TMOD2: variants seen among roughly 807,000 people sequenced by gnomAD.
The protein encoded by TMOD2 is tropomodulin-2.
Under a neutral mutation model 39.9 loss-of-function variants are expected in TMOD2, and 22 were observed. The ratio of observed to expected loss-of-function variants is 0.55; its 90% CI spans 0.39 to 0.79. TMOD2 has a LOEUF of 0.79. Among genes scored for constraint, TMOD2 ranks in the 30% least tolerant of loss-of-function variants. The pLI is 0.00. For missense variants in TMOD2, 386 were observed against 413.3 expected (o/e 0.93, Z 0.57); for synonymous variants, 123 against 146.1 (o/e 0.84, Z 1.14).
intron 5 of TMOD2, 124 bp from the exon 6 acceptor site, chr15:51,780,917 CCTA>C: frequency 1.4e-6 from 1 of 719,276 alleles, no homozygotes; most frequent in South Asian, 1.9e-5. Context: ...TGAGAATACA[CCTA>C]CTGTCATTGC....
At chr15:51,769,752 C>T (rs543227998) in intron 3 of TMOD2, among the ~76,000 whole-genome samples, 2 of 152,184 alleles carry the variant, frequency 1.3e-5, no homozygotes, top group East Asian at 3.9e-4. Context: ...CAGATCATGT[C>T]GGCTGGGCGC....
At chr15:51,756,761 C>G (rs1255765847) in intron 1 of TMOD2, among the ~76,000 whole-genome samples, 1 of 152,150 alleles carries the variant, frequency 6.6e-6, no homozygotes, top group Non-Finnish European at 1.5e-5. Flanking sequence ...TTCCCATTGC[C>G]GTACCATATT....
intron 7 of TMOD2, among the ~76,000 whole-genome samples, chr15:51,793,678 A>G (rs188277113): frequency 3.1e-4 from 47 of 152,360 alleles, no homozygotes; most frequent in Admixed American, 1.6e-3. Context: ...CCTACAGCCC[A>G]GTATTGTGTT....
chr15:51,781,893 G>A (rs2055933482), intron 6 of TMOD2, among the ~76,000 whole-genome samples: 2 of 151,888 alleles, frequency 1.3e-5, no homozygotes, highest in Admixed American at 6.6e-5. Flanking sequence ...CCAATTCTTA[G>A]CATTTAATAA....
chr15:51,797,021 C>A (rs962947723), intron 7 of TMOD2, among the ~76,000 whole-genome samples: 4 of 152,218 alleles, frequency 2.6e-5, no homozygotes, highest in Admixed American at 6.5e-5. Flanking sequence ...CGACATAGAC[C>A]ATAAGATTTC....
At chr15:51,771,190 C>T (rs1473611953) in intron 3 of TMOD2, among the ~76,000 whole-genome samples, 2 of 152,178 alleles carry the variant, frequency 1.3e-5, no homozygotes, top group Non-Finnish European at 2.9e-5. Flanking sequence ...AGTAGCACAA[C>T]TGAATAAAGT....
rs1325102667 is a variant in TMOD2, at chr15:51,782,902, G to T, written c.732+74G>T. The T allele has an allele frequency of 2.1e-6, 3 of 1,422,078 alleles. No homozygotes were observed. In the African/African-American group the frequency reaches 4.3e-5, roughly 20 times the overall value. 88.1% of individuals were successfully genotyped at this position (1,422,078 alleles called of 1,614,324 possible). A position where few individuals can be genotyped will look rare whatever the true frequency, so the allele number is the denominator to read the frequency against. On this transcript the variant is annotated intron_variant, in intron 7 of 9. Coordinates refer to ENST00000249700, the MANE Select transcript of TMOD2 (RefSeq NM_014548.4). ...AAACTCTATTTACTTTGTTTCATTA[G>T]CTAACAATTTTTTAGATCTGGAAAA... is the stretch of plus-strand genomic sequence containing the variant.
In TMOD2 at chr15:51,778,314, C is replaced by T. The variant is rs1410578849; in HGVS notation, c.493+1296C>T. On this transcript the variant is annotated intron_variant, in intron 5 of 9. Transcript: ENST00000249700. ...GAACACATGGACACAGGAAGGGGAA[C>T]ATCACACTCTGGGGACTGTTGTGGG... Among the ~76,000 whole-genome samples the T allele has an allele frequency of 9.3e-5, 11 of 118,140 alleles. No individual in the cohort carries two copies. In the Admixed American group the frequency reaches 1.1e-3, roughly 11 times the overall value. 77.5% of individuals were successfully genotyped at this position (118,140 alleles called of 152,430 possible).
chr15:51,758,266 T>A (rs2055756269), intron 1 of TMOD2, among the ~76,000 whole-genome samples: 1 of 152,204 alleles, frequency 6.6e-6, no homozygotes, highest in Admixed American at 6.5e-5. Context: ...TTTTAATTAA[T>A]TAATGTATTT....
chr15:51,780,496 G>A (rs1178222203), intron 5 of TMOD2, among the ~76,000 whole-genome samples: 1 of 152,020 alleles, frequency 6.6e-6, no homozygotes, highest in African/African-American at 2.4e-5. Context: ...GTGTATATTG[G>A]GATATTAATC....
chr15:51,762,986 A>G (rs2055791598), intron 1 of TMOD2, among the ~76,000 whole-genome samples: 1 of 151,688 alleles, frequency 6.6e-6, no homozygotes, highest in Admixed American at 6.6e-5. Flanking sequence ...CCCAGGCTGG[A>G]GTGCAGTGGT....
rs575077473 is a variant in TMOD2 at position 51,814,172 on chromosome 15, G to A, written c.*5718G>A. The A allele has an allele frequency of 6.6e-6, 1 of 152,272 alleles. No individual in the cohort carries two copies. Among genetic ancestry groups the A allele is most frequent in the Non-Finnish European group, 1.5e-5 (1 of 68,140 alleles). 9.4% of individuals were successfully genotyped at this position (152,272 alleles called of 1,614,324 possible). ...CAGTTGACTAAGAATTGAGGGGAGG[G>A]TCTGGAGCGCTACTGCCCTCCTGTC... On this transcript the variant is annotated 3_prime_UTR_variant, in exon 10 of 10. Transcript: ENST00000249700.
chr15:51,805,397 T>G (rs2056115907), intron 8 of TMOD2, among the ~76,000 whole-genome samples: 1 of 152,198 alleles, frequency 6.6e-6, no homozygotes, highest in Admixed American at 6.5e-5. Flanking sequence ...CCTTCAGAGT[T>G]TGCTGATTTC....
At chr15:51,769,016 G>A (rs1466562190) in intron 3 of TMOD2, among the ~76,000 whole-genome samples, 2 of 152,240 alleles carry the variant, frequency 1.3e-5, no homozygotes, top group African/African-American at 2.4e-5. Flanking sequence ...TGATAATGAT[G>A]TGTCCATGAT....
chr15:51,777,014 C>T lies in TMOD2; in HGVS notation c.489C>T (p.Val163=). The T allele has an allele frequency of 6.2e-7, 1 of 1,613,512 alleles. No homozygotes were observed. ...TANNKGGKGP[V]RNVVKGEKVK... ...ACAATAAAGGTGGCAAAGGACCTGTCAGAAGTAAGTTGATGTGCAATCTGT... is the reference window on the plus strand; with the variant it reads ...ACAATAAAGGTGGCAAAGGACCTGTTAGAAGTAAGTTGATGTGCAATCTGT... Residue 163 remains valine, a synonymous_variant, in exon 5 of 10, where the codon GTC becomes GTT. Transcript: ENST00000249700.
At position 51,768,296 on chromosome 15, in the gene TMOD2, A is replaced by G. The variant is rs540853770; in HGVS notation, c.161A>G (p.Asp54Gly). The change falls in exon 3 of 10, where the codon GAC (aspartate) becomes GGC (glycine). Residue 54 changes from aspartate (D) to glycine (G), a missense_variant. By Grantham distance (94) the Asp-to-Gly change is moderately conservative. Coordinates refer to ENST00000249700, the MANE Select transcript of TMOD2 (RefSeq NM_014548.4). ...CTGCCAGCTGGATTTCGACAGAAAG[A>G]CCAGACACAGAAGGCAGCCACCGGC... ...AMLPAGFRQK[D>G]QTQKAATGPF... is the part of the protein sequence containing the mutation. The G allele has an allele frequency of 1.2e-6, 2 of 1,614,134 alleles. No individual in the cohort carries two copies. Among genetic ancestry groups the G allele is most frequent in the East Asian group, 4.5e-5 (2 of 44,876 alleles).
chr15:51,777,603 A>G (rs2055898227), intron 5 of TMOD2, among the ~76,000 whole-genome samples: 1 of 152,172 alleles, frequency 6.6e-6, no homozygotes, highest in Non-Finnish European at 1.5e-5. Flanking sequence ...TTATTCATTC[A>G]TTCATCAGTC....
chr15:51,788,287 A>G (rs2055984902), intron 7 of TMOD2, among the ~76,000 whole-genome samples: 2 of 152,196 alleles, frequency 1.3e-5, no homozygotes, highest in Non-Finnish European at 2.9e-5. Context: ...TTGAAGTTCA[A>G]ATTAATGGAG....
At chr15:51,798,444 C>T in intron 8 of TMOD2, 104 bp downstream of exon 8, 1 of 1,330,932 alleles carries the variant, frequency 7.5e-7, no homozygotes. Context: ...GTGTGTGACT[C>T]AATTTGATGT....
Sources: allele counts gnomAD v4.1 joint callset (sites outside exome capture counted in the v4.1 genomes callset), GRCh38; gene constraint gnomAD v4.1.1; transcripts MANE v1.5; gene names NCBI Gene and HGNC (gene_info 2026-07-23, HGNC 2026-07-21).